The following APBB2 variants were observed in gnomAD, a reference collection of about 807,000 sequenced individuals.
The protein encoded by APBB2 is Fe65-like 1.
A neutral mutation model predicts 82.5 loss-of-function variants in APBB2; 38 were observed. The observed-to-expected ratio is 0.46, with a 90% confidence interval of 0.36 to 0.60. The LOEUF is 0.60. Among genes scored for constraint, APBB2 ranks in the 20% least tolerant of loss-of-function variants. The probability of loss-of-function intolerance (pLI) is 0.00; values close to 1 mark genes in which losing one functional copy is unlikely to be tolerated. For missense variants in APBB2, 772 were observed against 972.3 expected, an observed-to-expected ratio of 0.79 and a Z score of 2.74; for synonymous variants, 341 against 368.2, an observed-to-expected ratio of 0.93 and a Z score of 0.85.
chr4:41,081,697 C>G (rs772672155), intron 3 of APBB2, among the ~76,000 whole-genome samples: 3 of 152,190 alleles, frequency 2.0e-5, no homozygotes, highest in Non-Finnish European at 4.4e-5. Context: ...CCAACCAACA[C>G]AAGTACCAGA....
At chr4:41,094,855 G>A (rs192729370) in intron 3 of APBB2, among the ~76,000 whole-genome samples, 2 of 152,240 alleles carry the variant, frequency 1.3e-5, no homozygotes, top group Non-Finnish European at 2.9e-5. Context: ...ATGAGCCACC[G>A]CACCCAGCCT....
At position 41,013,704 on chromosome 4, in the gene APBB2, T is replaced by C. The variant is rs377524529; in HGVS notation, c.714A>G (p.Lys238=). 8 of 1,614,080 alleles carry C rather than the reference T, an allele frequency of 5.0e-6. No individual in the cohort carries two copies. Among genetic ancestry groups the C allele is most frequent in the Admixed American group, 1.7e-5 (1 of 60,012 alleles). Residue 238 remains lysine, a synonymous_variant, in exon 6 of 18, where the codon AAA becomes AAG. Transcript: ENST00000508593. ...GTGCACAGTCGGTTTTGGCCCCTGT[T>C]TTCGGATGATCCTTCTTGGTTTCTG... The part of the protein sequence containing the change: ...SSPETKKDHP[K]TGAKTDCALH...
chr4:40,955,750 C>T (rs957937570), intron 6 of APBB2, among the ~76,000 whole-genome samples: 1 of 152,022 alleles, frequency 6.6e-6, no homozygotes, highest in Non-Finnish European at 1.5e-5. Context: ...CCATCTCCCT[C>T]CCCTAACCAA....
chr4:41,162,617 GC>G (rs1400317506), intron 1 of APBB2, among the ~76,000 whole-genome samples: 1 of 152,150 alleles, frequency 6.6e-6, no homozygotes, highest in Non-Finnish European at 1.5e-5. Flanking sequence ...ACTTTGGGAG[GC>G]TGTGGTGGGA....
At position 40,944,894 on chromosome 4, in the gene APBB2, C is replaced by T; in HGVS notation, c.1015G>A (p.Val339Ile). ...QGSRKGSLSS[V>I]TPSPTPENEK... ...TTCTCTGGGGTGGGAGATGGCGTTA[C>T]AGAACTAAGTGACCCTTTCCTAGAA... Residue 339 changes from valine to isoleucine, a missense_variant, in exon 7 of 18, where the codon GTA becomes ATA. Transcript: ENST00000508593. 1.2e-6 allele frequency: 2 copies of T among 1,613,192 alleles called. No individual in the cohort carries two copies. Among genetic ancestry groups the T allele is most frequent in the Non-Finnish European group, 1.7e-6 (2 of 1,179,988 alleles).
At chr4:41,011,148 G>GTT (rs1029284742) in intron 6 of APBB2, among the ~76,000 whole-genome samples, 2 of 143,316 alleles carry the variant, frequency 1.4e-5, no homozygotes, top group South Asian at 4.4e-4. Context: ...GATTATTATT[G>GTT]TTTTTTTTTT....
intron 4 of APBB2, among the ~76,000 whole-genome samples, chr4:41,036,891 C>T (rs1397727542): frequency 2.6e-5 from 4 of 152,112 alleles, no homozygotes; most frequent in Non-Finnish European, 5.9e-5. Flanking sequence ...GGGGCATGGA[C>T]TAATTCTACA....
intron 1 of APBB2, among the ~76,000 whole-genome samples, chr4:41,162,490 C>A (rs970435910): frequency 6.6e-6 from 1 of 152,160 alleles, no homozygotes; most frequent in African/African-American, 2.4e-5. Context: ...CTTAGACTCA[C>A]CCATATGCAT....
chr4:40,984,626 C>T (rs1384103144), intron 6 of APBB2, among the ~76,000 whole-genome samples: 4 of 152,170 alleles, frequency 2.6e-5, no homozygotes, highest in African/African-American at 9.7e-5. Flanking sequence ...CTAGAGCTAT[C>T]TAGGCCCCTG....
At chr4:41,034,418 G>A (rs1049528876) in intron 4 of APBB2, among the ~76,000 whole-genome samples, 5 of 152,148 alleles carry the variant, frequency 3.3e-5, no homozygotes, top group Non-Finnish European at 4.4e-5. Flanking sequence ...TCCACCTCCC[G>A]GGTTGAAGCT....
rs139215184 is a variant in APBB2 at position 41,212,397 on chromosome 4, T to G, written c.-417+2008A>C. Among the ~76,000 whole-genome samples, 575 of 152,292 alleles carry G rather than the reference T, an allele frequency of 3.8e-3. 2 individuals carry two copies. The highest frequency in any genetic ancestry group is 5.6e-3 in the Non-Finnish European group (378 of 68,032). On this transcript the variant is annotated intron_variant, in intron 1 of 17. Coordinates refer to ENST00000508593, the MANE Select transcript of APBB2 (RefSeq NM_004307.2). ...CTCTGTTGCCCAGGCTGGAGTGCAG[T>G]GGCGTGATCATAGCTCACTACAGCC...
intron 1 of APBB2, among the ~76,000 whole-genome samples, chr4:41,207,095 T>C (rs1580838626): frequency 7.0e-6 from 1 of 143,622 alleles, no homozygotes; most frequent in Non-Finnish European, 1.5e-5. Context: ...ACTACTTGGG[T>C]AGCTGAGGCA....
In APBB2 at chr4:40,832,977, C is replaced by T. The variant is rs940455670; in HGVS notation, c.1530-2400G>A. Among the ~76,000 whole-genome samples, 2 of 152,184 alleles carry T rather than the reference C, an allele frequency of 1.3e-5. No individual in the cohort carries two copies. Among genetic ancestry groups the T allele is most frequent in the Non-Finnish European group, 2.9e-5 (2 of 68,036 alleles). Reference sequence around the variant, plus strand: ...CTCGGGGGTGGGTTGGGGCAAGTCACTGGGCCGAGACTTTGAGGGGTGAGC... The same window carrying T: ...CTCGGGGGTGGGTTGGGGCAAGTCATTGGGCCGAGACTTTGAGGGGTGAGC... On this transcript the variant is annotated intron_variant, in intron 12 of 17. Coordinates refer to ENST00000508593, the MANE Select transcript of APBB2 (RefSeq NM_004307.2). The surrounding 1 kb of genome is among the most constrained non-coding windows in gnomAD (Gnocchi z 4.8).
At chr4:41,025,608 T>C (rs532897498) in intron 5 of APBB2, among the ~76,000 whole-genome samples, 21 of 152,068 alleles carry the variant, frequency 1.4e-4, no homozygotes, top group Non-Finnish European at 2.2e-4. Flanking sequence ...TAAATGTCCA[T>C]TAATGACAGA....
chr4:40,911,459 T>C (rs1328239377), intron 10 of APBB2, among the ~76,000 whole-genome samples: 1 of 152,202 alleles, frequency 6.6e-6, no homozygotes, highest in Non-Finnish European at 1.5e-5. Context: ...TAAATCCTGA[T>C]CTAAGCCATG....
chr4:41,208,206 T>C (rs1168701246), intron 1 of APBB2, among the ~76,000 whole-genome samples: 1 of 152,122 alleles, frequency 6.6e-6, no homozygotes, highest in Non-Finnish European at 1.5e-5. Flanking sequence ...GCAAAGTCTC[T>C]CCAATCTATC....
chr4:40,979,546 G>A (rs1269493012), intron 6 of APBB2, among the ~76,000 whole-genome samples: 1 of 152,218 alleles, frequency 6.6e-6, no homozygotes, highest in Non-Finnish European at 1.5e-5. Context: ...AGACTATTCT[G>A]TATTCTGGAT....
At position 41,001,780 on chromosome 4, in the gene APBB2, A is replaced by G. The variant is rs370704101; in HGVS notation, c.835+11803T>C. On this transcript the variant is annotated intron_variant, in intron 6 of 17. Transcript: ENST00000508593. The stretch of plus-strand genomic sequence containing the variant: ...GTAATTCCAGCTACTGGGGAGGCTG[A>G]GGCAGAAGAATCGCTTGAACCCGGG... 8.3e-4 allele frequency among the ~76,000 whole-genome samples: 126 copies of G among 152,194 alleles called. 1 individual carries two copies. The highest frequency in any genetic ancestry group is 2.9e-3 in the African/African-American group (119 of 41,528).
At chr4:40,858,714 C>T (rs1762067249) in intron 12 of APBB2, among the ~76,000 whole-genome samples, 1 of 152,166 alleles carries the variant, frequency 6.6e-6, no homozygotes, top group South Asian at 2.1e-4. Context: ...TTACTAAGCT[C>T]CTCCTAAGTA....
Sources: gnomAD v4.1 joint callset for allele counts (sites outside exome capture counted in the v4.1 genomes callset) on GRCh38, gnomAD v4.1.1 for gene constraint, Gnocchi (gnomAD v3.1) non-coding constraint, MANE v1.5 for transcripts, NCBI Gene and HGNC (gene_info 2026-07-23, HGNC 2026-07-21) for gene names.